The following RBM6 variants were observed in gnomAD, a reference collection of about 807,000 sequenced individuals.
The protein encoded by RBM6 is RNA-binding protein 6.
RBM6 carries 23 observed loss-of-function variants against 140.4 expected under a neutral mutation model. The ratio of observed to expected loss-of-function variants is 0.16; its 90% CI spans 0.12 to 0.23. RBM6 has a LOEUF of 0.23. RBM6 is among the 10% of genes least tolerant of loss of function. The pLI is 1.00. For missense variants in RBM6, 1,139 were observed against 1,386.7 expected (o/e 0.82, Z 2.84); for synonymous variants, 439 against 475.6 (o/e 0.92, Z 1.00).
Position 49,968,292 on chromosome 3 carries a change from T to C in RBM6, c.867T>C (p.Asp289=), listed in dbSNP as rs1215996662. 1 of 1,614,058 alleles carries C rather than the reference T, an allele frequency of 6.2e-7. No homozygotes were observed. Among genetic ancestry groups the C allele is most frequent in the South Asian group, 1.1e-5 (1 of 91,070 alleles). The change falls in exon 3 of 21, where the codon GAT becomes GAC. Residue 289 remains aspartate (D), a synonymous_variant. Transcript: ENST00000266022. ...AAGATAGGGAGATGCCCCCTGTGGA[T>C]CCAAATATTTTGGATTACATTCAGC... The part of the protein sequence containing the change: ...EFKDREMPPV[D]PNILDYIQPS...
chr3:49,951,814 C>T (rs2083748460), intron 1 of RBM6, among the ~76,000 whole-genome samples: 1 of 151,976 alleles, frequency 6.6e-6, no homozygotes, highest in African/African-American at 2.4e-5. Flanking sequence ...CCTCCATCTC[C>T]CAGGTTCAAG....
chr3:49,986,052 C>G (rs1016384385), intron 5 of RBM6, among the ~76,000 whole-genome samples: 10 of 151,644 alleles, frequency 6.6e-5, no homozygotes, highest in Admixed American at 2.6e-4. Context: ...GTGGCACGGT[C>G]TTGGTTCACT....
chr3:49,979,761 G>C (rs926581074), intron 5 of RBM6, among the ~76,000 whole-genome samples: 1 of 152,048 alleles, frequency 6.6e-6, no homozygotes, highest in African/African-American at 2.4e-5. Flanking sequence ...TTTTTAAAAA[G>C]GCTACATACT....
chr3:50,068,636 C>G, intron 17 of RBM6, 54 bp from the exon 18 acceptor site: 2 of 1,524,108 alleles, frequency 1.3e-6, no homozygotes, highest in South Asian at 2.2e-5. Flanking sequence ...CTAGAAGCAT[C>G]TCTAGGACCA....
rs2089916397 is a variant in RBM6 at position 50,061,004 on chromosome 3, CTGT to C, written c.2271+7_2271+9del. ...ACCACATGCATTACTATCAGGTAGG[CTGT>C]AACAGGTGGGGAGTGCTCTATTAAA... On this transcript the variant is annotated splice_region_variant and intron_variant, in intron 12 of 20. Coordinates refer to ENST00000266022, the MANE Select transcript of RBM6 (RefSeq NM_005777.3). The C allele has an allele frequency of 6.3e-7, 1 of 1,592,608 alleles. No individual in the cohort carries two copies. Among genetic ancestry groups the C allele is most frequent in the Non-Finnish European group, 8.5e-7 (1 of 1,169,894 alleles).
intron 1 of RBM6, among the ~76,000 whole-genome samples, chr3:49,953,514 G>A (rs895805191): frequency 1.4e-5 from 2 of 145,668 alleles, no homozygotes; most frequent in Non-Finnish European, 3.0e-5. Flanking sequence ...GTGAGCCACC[G>A]AACCTGGCCT....
chr3:50,039,707 A>G (rs2088767793), intron 6 of RBM6, among the ~76,000 whole-genome samples: 1 of 152,122 alleles, frequency 6.6e-6, no homozygotes, highest in East Asian at 1.9e-4. Flanking sequence ...CTGAGTGCTA[A>G]TAGTTGGAGT....
In RBM6 at chr3:49,972,056, A is replaced by G. The variant is rs1454419202; in HGVS notation, c.1324-3A>G. 1 of 1,597,006 alleles carries G rather than the reference A, an allele frequency of 6.3e-7. No individual in the cohort carries two copies. The highest frequency in any genetic ancestry group is 8.6e-7 in the Non-Finnish European group (1 of 1,166,796). ...TGAAATAATTTTTCATTCTCAATTT[A>G]AGGATCAAGATTATAGGACCGGCCC... On this transcript the variant is annotated splice_region_variant and splice_polypyrimidine_tract_variant and intron_variant, in intron 3 of 20. Transcript: ENST00000266022.
intron 5 of RBM6, among the ~76,000 whole-genome samples, chr3:49,981,096 G>C (rs564745992): frequency 1.3e-5 from 2 of 152,012 alleles, no homozygotes; most frequent in East Asian, 3.9e-4. Flanking sequence ...GTAGAGACGG[G>C]GTTTCACCAT....
intron 1 of RBM6, among the ~76,000 whole-genome samples, chr3:49,953,281 G>A (rs1395544579): frequency 6.6e-6 from 1 of 151,198 alleles, no homozygotes; most frequent in Non-Finnish European, 1.5e-5. Context: ...GTGCAGTGGA[G>A]CGATCTTGGC....
At chr3:50,040,445 C>CAAAAA (rs1163542465) in intron 6 of RBM6, among the ~76,000 whole-genome samples, 3 of 67,664 alleles carry the variant, frequency 4.4e-5, no homozygotes, top group African/African-American at 2.2e-4. Flanking sequence ...GGCTCCTTCT[C>CAAAAA]AAAAAAAAAA....
At chr3:50,045,309 T>C (rs2089167106) in intron 6 of RBM6, among the ~76,000 whole-genome samples, 1 of 152,212 alleles carries the variant, frequency 6.6e-6, no homozygotes, top group South Asian at 2.1e-4. Context: ...ACTGTTCAAA[T>C]GACAACCCAC....
intron 6 of RBM6, among the ~76,000 whole-genome samples, chr3:50,010,107 G>A (rs1452373526): frequency 2.0e-5 from 3 of 151,912 alleles, no homozygotes; most frequent in Non-Finnish European, 2.9e-5. Context: ...GGCTGCTCTC[G>A]AACTCCTGAC....
intron 19 of RBM6, among the ~76,000 whole-genome samples, chr3:50,073,957 C>G (rs2090384171): frequency 6.6e-6 from 1 of 151,748 alleles, no homozygotes; most frequent in Non-Finnish European, 1.5e-5. Context: ...TCAAGCGATT[C>G]TCCTGCCTCA....
Position 50,066,227 on chromosome 3 carries a change from G to T in RBM6, c.2683-15G>T. On this transcript the variant is annotated splice_polypyrimidine_tract_variant and intron_variant, in intron 16 of 20. Coordinates refer to ENST00000266022, the MANE Select transcript of RBM6 (RefSeq NM_005777.3). ...AGGTTGAATTTGGTATTGATCCCTGGCCTTCTCCTTCCAGCCTAAAGTGGT... is the reference window on the plus strand; with the variant it reads ...AGGTTGAATTTGGTATTGATCCCTGTCCTTCTCCTTCCAGCCTAAAGTGGT... The T allele has an allele frequency of 6.2e-7, 1 of 1,603,164 alleles. No homozygotes were observed. The highest frequency in any genetic ancestry group is 8.5e-7 in the Non-Finnish European group (1 of 1,172,960).
intron 6 of RBM6, among the ~76,000 whole-genome samples, chr3:50,021,860 T>G (rs963296350): frequency 7.1e-6 from 1 of 141,372 alleles, no homozygotes; most frequent in African/African-American, 2.6e-5. Flanking sequence ...GTTCAGGAAA[T>G]TCTCCTGCCT....
chr3:49,992,651 A>C (rs1279391945), intron 5 of RBM6, among the ~76,000 whole-genome samples: 1 of 152,230 alleles, frequency 6.6e-6, no homozygotes. Flanking sequence ...GCAAATGTAC[A>C]GAACTAAGAA....
At chr3:49,946,841 CT>C (rs766610656) in intron 1 of RBM6, among the ~76,000 whole-genome samples, 3 of 148,846 alleles carry the variant, frequency 2.0e-5, no homozygotes, top group Non-Finnish European at 4.5e-5. Context: ...GGCCTATTTT[CT>C]GTTTCGTTTT....
chr3:49,989,140 A>G (rs902490087), intron 5 of RBM6, among the ~76,000 whole-genome samples: 11 of 152,196 alleles, frequency 7.2e-5, no homozygotes, highest in Non-Finnish European at 1.6e-4. Context: ...TGACTTATCA[A>G]CTGGGTTTGT....
Sources: gnomAD v4.1 joint callset for allele counts (sites outside exome capture counted in the v4.1 genomes callset) on GRCh38, gnomAD v4.1.1 for gene constraint, MANE v1.5 for transcripts, NCBI Gene and HGNC (gene_info 2026-07-23, HGNC 2026-07-21) for gene names.